DLG2: variants seen among roughly 807,000 people sequenced by gnomAD.
DLG2 encodes discs large MAGUK scaffold protein 2, also known as disks large homolog 2.
DLG2 carries 45 observed loss-of-function variants against 132.5 expected under a neutral mutation model. The observed-to-expected ratio is 0.34, with a 90% CI of 0.27 to 0.44. The LOEUF is 0.44. DLG2 is among the 20% of genes least tolerant of loss of function. The pLI, the probability that DLG2 is intolerant of heterozygous loss-of-function variation, is 1.00. For missense variants in DLG2, 1,045 were observed against 1,196.9 expected (o/e 0.87, Z 1.87); for synonymous variants, 424 against 419.6 (o/e 1.01, Z -0.13).
At chr11:84,050,530 C>G (rs1566222002) in intron 11 of DLG2, among the ~76,000 whole-genome samples, 1 of 151,890 alleles carries the variant, frequency 6.6e-6, no homozygotes, top group Non-Finnish European at 1.5e-5. Flanking sequence ...TAATGAGATC[C>G]CATTTGTCAA....
At chr11:84,644,713 A>T (rs1172394480) in intron 6 of DLG2, among the ~76,000 whole-genome samples, 2 of 151,932 alleles carry the variant, frequency 1.3e-5, no homozygotes, top group East Asian at 3.9e-4. Flanking sequence ...TTCAAAAAAA[A>T]AAAAAAAAGA....
At chr11:84,040,785 G>A (rs1218435513) in intron 11 of DLG2, among the ~76,000 whole-genome samples, 1 of 151,346 alleles carries the variant, frequency 6.6e-6, no homozygotes, top group South Asian at 2.1e-4. Context: ...GATGGGGATG[G>A]CATTGAATCT....
intron 18 of DLG2, among the ~76,000 whole-genome samples, chr11:83,742,694 T>C (rs959015309): frequency 2.0e-5 from 3 of 152,216 alleles, no homozygotes; most frequent in Non-Finnish European, 4.4e-5. Context: ...CAGTAGTATT[T>C]ACTGGGCACA....
At chr11:84,529,996 A>G (rs2099331278) in intron 7 of DLG2, among the ~76,000 whole-genome samples, 2 of 152,142 alleles carry the variant, frequency 1.3e-5, no homozygotes, top group African/African-American at 4.8e-5. Context: ...CTGCACACCG[A>G]CGATTATCTG....
chr11:85,435,583 T>C (rs2091435255), intron 3 of DLG2, among the ~76,000 whole-genome samples: 1 of 151,850 alleles, frequency 6.6e-6, no homozygotes, highest in Non-Finnish European at 1.5e-5. Flanking sequence ...GAGAATAAAA[T>C]ACCCATCAAT....
chr11:84,332,147 G>C (rs1057347449), intron 7 of DLG2, among the ~76,000 whole-genome samples: 1 of 150,924 alleles, frequency 6.6e-6, no homozygotes, highest in South Asian at 2.1e-4. Flanking sequence ...TCAATTATCT[G>C]ATATTTTTTC....
chr11:85,094,346 A>G (rs2069369320), intron 6 of DLG2, among the ~76,000 whole-genome samples: 1 of 152,350 alleles, frequency 6.6e-6, no homozygotes, highest in Admixed American at 6.5e-5. Flanking sequence ...GTTCCTAACA[A>G]GAGAGTCAGC....
At chr11:83,843,383 C>T (rs1043283507) in intron 16 of DLG2, among the ~76,000 whole-genome samples, 1 of 152,212 alleles carries the variant, frequency 6.6e-6, no homozygotes, top group Non-Finnish European at 1.5e-5. Context: ...CCCTCACCTC[C>T]AGAAGAACTG....
At chr11:84,759,971 C>T (rs890801828) in intron 6 of DLG2, among the ~76,000 whole-genome samples, 10 of 152,108 alleles carry the variant, frequency 6.6e-5, no homozygotes, top group South Asian at 2.1e-4. Context: ...GAGTGCAGTA[C>T]GTTTATGATG....
chr11:85,550,763 C>T (rs1265458020), intron 3 of DLG2, among the ~76,000 whole-genome samples: 2 of 152,228 alleles, frequency 1.3e-5, no homozygotes, highest in African/African-American at 4.8e-5. Context: ...ATGAGACTTT[C>T]TCTGGCTAAC....
intron 6 of DLG2, among the ~76,000 whole-genome samples, chr11:84,785,160 G>A (rs1034212227): frequency 5.9e-5 from 9 of 151,364 alleles, no homozygotes; most frequent in Admixed American, 5.2e-4. Context: ...TATATGGTTT[G>A]CATGTCTCTT....
intron 3 of DLG2, among the ~76,000 whole-genome samples, chr11:85,361,246 C>T (rs1404478106): frequency 6.6e-6 from 1 of 152,106 alleles, no homozygotes; most frequent in Non-Finnish European, 1.5e-5. Flanking sequence ...AACTCCGCCT[C>T]CCTGGTTCAA....
chr11:85,175,291 C>G (rs1202754809), intron 4 of DLG2, among the ~76,000 whole-genome samples: 1 of 152,118 alleles, frequency 6.6e-6, no homozygotes, highest in African/African-American at 2.4e-5. Flanking sequence ...TGGCTTCATC[C>G]CTAGGATGCA....
At chr11:84,587,038 A>G (rs17735104) in intron 6 of DLG2, among the ~76,000 whole-genome samples, 9,511 of 152,156 alleles carry the variant, frequency 0.063, 364 homozygotes, top group South Asian at 0.1. Flanking sequence ...TTAACCTCCT[A>G]ATATCTTATT....
chr11:85,598,441 T>C (rs2079933191), intron 3 of DLG2, among the ~76,000 whole-genome samples: 2 of 152,146 alleles, frequency 1.3e-5, no homozygotes, highest in African/African-American at 4.8e-5. Flanking sequence ...AACCTCTTTT[T>C]ATTTATATTT....
chr11:84,779,590 A>G (rs1412298680), intron 6 of DLG2, among the ~76,000 whole-genome samples: 1 of 152,076 alleles, frequency 6.6e-6, no homozygotes, highest in Non-Finnish European at 1.5e-5. Flanking sequence ...TAGGACTTCC[A>G]GTGCTATGTT....
At chr11:85,242,668 AATATT>A (rs2075946219) in intron 4 of DLG2, among the ~76,000 whole-genome samples, 1 of 151,384 alleles carries the variant, frequency 6.6e-6, no homozygotes, top group Admixed American at 6.6e-5. Flanking sequence ...CTTTATTTAA[AATATT>A]ATATTTATTA....
At chr11:85,473,027 G>T (rs749443775) in intron 3 of DLG2, among the ~76,000 whole-genome samples, 1 of 152,190 alleles carries the variant, frequency 6.6e-6, no homozygotes. Context: ...CAAGTTTTGG[G>T]GGCACCACTG....
chr11:83,997,730 C>CAAAAAAAAAAAAAAAAAAAAAAA (rs71066079), intron 11 of DLG2, among the ~76,000 whole-genome samples: 2 of 24,796 alleles, frequency 8.1e-5, no homozygotes, highest in African/African-American at 1.5e-4. Context: ...GACTCCATCT[C>CAAAAAAAAAAAAAAAAAAAAAAA]AAAAAAAAAA....
Sources: allele counts gnomAD v4.1 joint callset (sites outside exome capture counted in the v4.1 genomes callset), GRCh38; gene constraint gnomAD v4.1.1; transcripts MANE v1.5; gene names NCBI Gene and HGNC (gene_info 2026-07-23, HGNC 2026-07-21).